Variants in LIFR observed in about 807,000 individuals in gnomAD.
LIFR encodes leukemia inhibitory factor receptor.
A neutral mutation model predicts 122.2 loss-of-function variants in LIFR; 84 were observed. The ratio of observed to expected loss-of-function variants is 0.69; its 90% CI spans 0.58 to 0.82. LIFR has a LOEUF of 0.82. Ranked by LOEUF, LIFR falls within the 40% of genes least tolerant of loss-of-function variation. The pLI is 0.00. For missense variants in LIFR, 1,294 were observed against 1,311.6 expected (o/e 0.99, Z 0.21); for synonymous variants, 422 against 434.7 (o/e 0.97, Z 0.36).
At chr5:38,583,851 T>C (rs1749666406) in intron 1 of LIFR, among the ~76,000 whole-genome samples, 1 of 152,196 alleles carries the variant, frequency 6.6e-6, no homozygotes. Flanking sequence ...CCCCATATTG[T>C]TCTCATGGTA....
chr5:38,603,974 C>T lies in LIFR; in HGVS notation n.305+2231G>A, dbSNP rs931628224. The stretch of plus-strand genomic sequence containing the variant: ...TCCTAATGATCTCCAGCCACAATAC[C>T]GGAGGGCAGCCACTGGTCATTTACG... On this transcript the variant is annotated intron_variant and non_coding_transcript_variant, in intron 2 of 3. Transcript: ENST00000507786. Among the ~76,000 whole-genome samples, 6 of 152,270 alleles carry T rather than the reference C, an allele frequency of 3.9e-5. No homozygotes were observed. In the East Asian group the frequency reaches 5.8e-4, roughly 15 times the overall value.
Position 38,502,778 on chromosome 5 carries a change from C to A in LIFR, c.1459G>T (p.Val487Leu), listed in dbSNP as rs778019953. The A allele has an allele frequency of 4.4e-6, 7 of 1,603,154 alleles. No homozygotes were observed. Among genetic ancestry groups the A allele is most frequent in the Non-Finnish European group, 6.0e-6 (7 of 1,171,068 alleles). Residue 487 changes from valine (V) to leucine (L), a missense_variant, in exon 11 of 20, where the codon GTA becomes TTA. By Grantham distance (32) the Val-to-Leu change is conservative. Coordinates refer to ENST00000453190, the MANE Select transcript of LIFR (RefSeq NM_001127671.2). ...GCAACAAGATAACTTGAATTTTCTA[C>A]TCCTTTGATTGTGACATTCCGCTAT... ...QEQRNVTIKG[V>L]ENSSYLVALD...
chr5:38,504,178 A>C, intron 9 of LIFR, 57 bp from the exon 10 acceptor site: 5 of 1,161,004 alleles, frequency 4.3e-6, no homozygotes, highest in Non-Finnish European at 6.4e-6. Context: ...ACTATCTTCT[A>C]ATATGACAAA....
chr5:38,526,637 T>A (rs1268012138), intron 4 of LIFR, among the ~76,000 whole-genome samples: 1 of 152,166 alleles, frequency 6.6e-6, no homozygotes, highest in African/African-American at 2.4e-5. Flanking sequence ...GATGTATCCA[T>A]CTCCTCCGTT....
intron 1 of LIFR, among the ~76,000 whole-genome samples, chr5:38,592,219 C>G (rs1278372503): frequency 6.6e-6 from 1 of 151,864 alleles, no homozygotes; most frequent in Non-Finnish European, 1.5e-5. Context: ...AGTTATGTAA[C>G]TCTACTCTGT....
chr5:38,601,864 C>A (rs1750228242), intron 2 of LIFR, among the ~76,000 whole-genome samples: 2 of 152,110 alleles, frequency 1.3e-5, no homozygotes, highest in Non-Finnish European at 2.9e-5. Flanking sequence ...TCAATATACC[C>A]CCAACTGAAG....
intron 1 of LIFR, among the ~76,000 whole-genome samples, chr5:38,545,926 CAAAAT>C (rs1296702188): frequency 1.4e-5 from 2 of 140,096 alleles, no homozygotes; most frequent in Non-Finnish European, 3.2e-5. Flanking sequence ...GGATAAATCA[CAAAAT>C]AAAACCAGCT....
chr5:38,505,943 C>T lies in LIFR; in HGVS notation c.1253G>A (p.Arg418Gln), dbSNP rs755392819. ...ATTAACTAAAATTGTTGATTGTGATCGACCCAGCGGATTGTGAGCATTCAA... is the reference window on the plus strand; with the variant it reads ...ATTAACTAAAATTGTTGATTGTGATTGACCCAGCGGATTGTGAGCATTCAA... The part of the protein sequence containing the change: ...FTLNAHNPLG[R>Q]SQSTILVNIT... The change falls in exon 9 of 20, where the codon CGA becomes CAA. Residue 418 changes from arginine to glutamine, a missense_variant. Transcript: ENST00000453190. 2.4e-5 allele frequency: 39 copies of T among 1,608,720 alleles called. No individual in the cohort carries two copies. The East Asian group carries it at 2.5e-4, about 10-fold the overall frequency.
At position 38,481,585 on chromosome 5, in the gene LIFR, G is replaced by A. The variant is rs764112814; in HGVS notation, c.*10C>T. On this transcript the variant is annotated 3_prime_UTR_variant, in exon 20 of 20. Transcript: ENST00000453190. ...TTGAGATGGCTGACTGAAGTGACAC[G>A]GTGACACTGTTAATCGTTTGGTTTG... The A allele has an allele frequency of 7.8e-5, 126 of 1,613,838 alleles. No individual in the cohort carries two copies. The highest frequency in any genetic ancestry group is 2.0e-4 in the African/African-American group (15 of 74,908).
At chr5:38,519,685 G>A (rs1237640567) in intron 5 of LIFR, among the ~76,000 whole-genome samples, 1 of 152,048 alleles carries the variant, frequency 6.6e-6, no homozygotes, top group Non-Finnish European at 1.5e-5. Flanking sequence ...CATGAGATCA[G>A]CTTTTTTAGT....
intron 14 of LIFR, among the ~76,000 whole-genome samples, chr5:38,491,654 G>T (rs1172812256): frequency 1.3e-5 from 2 of 152,226 alleles, no homozygotes; most frequent in African/African-American, 2.4e-5. Flanking sequence ...GTGGCCTACA[G>T]GCTCCAATTT....
intron 1 of LIFR, among the ~76,000 whole-genome samples, chr5:38,551,734 C>T (rs1748212353): frequency 6.6e-6 from 1 of 152,190 alleles, no homozygotes; most frequent in Non-Finnish European, 1.5e-5. Context: ...CCAAGATTTT[C>T]ACCTCTGTGC....
chr5:38,514,220 A>G (rs1050588699), intron 5 of LIFR, among the ~76,000 whole-genome samples: 1 of 152,192 alleles, frequency 6.6e-6, no homozygotes, highest in Non-Finnish European at 1.5e-5. Context: ...CTCAAAAAAA[A>G]GGAGAAGACA....
chr5:38,599,384 AG>A (rs1750181924), upstream of LIFR, among the ~76,000 whole-genome samples: 2 of 150,546 alleles, frequency 1.3e-5, no homozygotes, highest in South Asian at 4.3e-4. Context: ...CAGAATCCAC[AG>A]GGTATGATAA....
intron 2 of LIFR, among the ~76,000 whole-genome samples, chr5:38,604,590 A>G (rs532825772): frequency 6.6e-6 from 1 of 152,012 alleles, no homozygotes; most frequent in South Asian, 2.1e-4. Flanking sequence ...AATCTCAGCT[A>G]CCCGGGAGGC....
In LIFR at chr5:38,528,764, T is replaced by G. The variant is rs1386630303; in HGVS notation, c.219A>C (p.Thr73=). 6.3e-7 allele frequency: 1 copy of G among 1,598,570 alleles called. No homozygotes were observed. Among genetic ancestry groups the G allele is most frequent in the East Asian group, 2.3e-5 (1 of 44,442 alleles). ...AAACTTCATAATCAGTACCACGGCC[T>G]GTTCCAGAGGGTGCTTTCCAAGAAC... The part of the protein sequence containing the change: ...WNCSWKAPSG[T]GRGTDYEVCI... Residue 73 remains threonine (T), a synonymous_variant, in exon 3 of 20, where the codon ACA becomes ACC. Transcript: ENST00000453190.
chr5:38,490,361 G>T, intron 14 of LIFR, 70 bp from the exon 15 acceptor site: 1 of 650,944 alleles, frequency 1.5e-6, no homozygotes, highest in Non-Finnish European at 2.7e-6. Context: ...GAAACATCAA[G>T]TTCATAACAT....
At chr5:38,565,452 G>A (rs531336933) in intron 1 of LIFR, among the ~76,000 whole-genome samples, 1 of 151,910 alleles carries the variant, frequency 6.6e-6, no homozygotes, top group Non-Finnish European at 1.5e-5. Flanking sequence ...AGCTATTGGG[G>A]GAAGGTAAAT....
chr5:38,528,351 G>T (rs923716068), intron 3 of LIFR, among the ~76,000 whole-genome samples: 2 of 152,160 alleles, frequency 1.3e-5, no homozygotes, highest in African/African-American at 4.8e-5. Flanking sequence ...CCTGTGGTGG[G>T]CATGTGTGCT....
Sources: gnomAD v4.1 joint callset for allele counts (sites outside exome capture counted in the v4.1 genomes callset) on GRCh38, gnomAD v4.1.1 for gene constraint, MANE v1.5 for transcripts, NCBI Gene and HGNC (gene_info 2026-07-23, HGNC 2026-07-21) for gene names.